The following ACOXL variants were observed in gnomAD, a reference collection of about 807,000 sequenced individuals.
ACOXL encodes acyl-CoA oxidase like.
Under a neutral mutation model 71.9 loss-of-function variants are expected in ACOXL, and 70 were observed. The ratio of observed to expected loss-of-function variants is 0.97; its 90% CI spans 0.80 to 1.19. The LOEUF (loss-of-function observed/expected upper bound fraction) is 1.19, where lower values mean the gene tolerates loss of function less well. Ranked by LOEUF, ACOXL falls within the 50% of genes most tolerant of loss-of-function variation. The pLI, the probability that ACOXL is intolerant of heterozygous loss-of-function variation, is 0.00. For synonymous variants in ACOXL, 253 were observed against 281.6 expected (o/e 0.90, Z 1.02); for missense variants, 703 against 736.3 (o/e 0.95, Z 0.52).
chr2:110,864,728 G>A (rs1006700908), intron 10 of ACOXL, among the ~76,000 whole-genome samples: 1 of 152,202 alleles, frequency 6.6e-6, no homozygotes, highest in Non-Finnish European at 1.5e-5. Context: ...GGGCTCTGTC[G>A]AATTAACCAG....
intron 10 of ACOXL, among the ~76,000 whole-genome samples, chr2:110,905,817 C>T (rs1293509751): frequency 3.3e-5 from 5 of 152,250 alleles, no homozygotes; most frequent in East Asian, 1.9e-4. Context: ...TTTAGATTCT[C>T]GTGAACACTC....
chr2:110,992,332 CTT>C (rs1157535747), intron 13 of ACOXL, among the ~76,000 whole-genome samples: 2 of 152,152 alleles, frequency 1.3e-5, no homozygotes, highest in African/African-American at 4.8e-5. Context: ...GAAGGAAAGC[CTT>C]TGTCATCAAA....
At chr2:110,786,305 A>G (rs1436973798) in intron 3 of ACOXL, among the ~76,000 whole-genome samples, 3 of 152,286 alleles carry the variant, frequency 2.0e-5, no homozygotes, top group Middle Eastern at 3.4e-3. Flanking sequence ...GACATTGTCT[A>G]TTGGTAGGTA....
chr2:110,915,418 A>G (rs1558721966), intron 11 of ACOXL, among the ~76,000 whole-genome samples: 1 of 130,030 alleles, frequency 7.7e-6, no homozygotes, highest in African/African-American at 3.1e-5. Flanking sequence ...ATATATATAT[A>G]TATATATATA....
chr2:111,116,455 T>C (rs1267391715), intron 17 of ACOXL, among the ~76,000 whole-genome samples: 1 of 152,150 alleles, frequency 6.6e-6, no homozygotes, highest in Non-Finnish European at 1.5e-5. Flanking sequence ...CCATCCCCTA[T>C]TTCCTCCACC....
intron 12 of ACOXL, among the ~76,000 whole-genome samples, chr2:110,972,113 G>A (rs903214363): frequency 7.9e-5 from 12 of 152,178 alleles, no homozygotes; most frequent in South Asian, 6.2e-4. Flanking sequence ...TATCACATAC[G>A]TGGGAGCATG....
At chr2:110,923,662 G>C (rs889602394) in intron 11 of ACOXL, among the ~76,000 whole-genome samples, 1 of 152,040 alleles carries the variant, frequency 6.6e-6, no homozygotes, top group Non-Finnish European at 1.5e-5. Context: ...GGCCTGGTGT[G>C]GTGGCTCATG....
At chr2:110,867,144 G>A (rs948728638) in intron 10 of ACOXL, among the ~76,000 whole-genome samples, 3 of 152,180 alleles carry the variant, frequency 2.0e-5, no homozygotes, top group East Asian at 1.9e-4. Flanking sequence ...AGTTAGGTGC[G>A]ACTGGAGAAT....
intron 1 of ACOXL, among the ~76,000 whole-genome samples, chr2:110,761,329 C>G (rs1680377175): frequency 6.6e-6 from 1 of 152,118 alleles, no homozygotes; most frequent in African/African-American, 2.4e-5. Context: ...GGCTTGCATA[C>G]CCATTGACTG....
intron 1 of ACOXL, among the ~76,000 whole-genome samples, chr2:110,747,977 C>A (rs1206062304): frequency 6.6e-6 from 1 of 152,166 alleles, no homozygotes. Flanking sequence ...TGTCTTCTTG[C>A]CACCCCTGCA....
chr2:110,904,939 T>A (rs1249609180), intron 10 of ACOXL, among the ~76,000 whole-genome samples: 1 of 152,090 alleles, frequency 6.6e-6, no homozygotes, highest in South Asian at 2.1e-4. Context: ...CCTGAACTGA[T>A]TCATTTGCAT....
intron 3 of ACOXL, among the ~76,000 whole-genome samples, chr2:110,791,515 G>T (rs756454991): frequency 6.6e-6 from 1 of 152,164 alleles, no homozygotes; most frequent in African/African-American, 2.4e-5. Context: ...GAAAAAACAC[G>T]TACCATTTGG....
rs1001974385 is a variant in ACOXL, at chr2:110,841,273, C to G, written c.754-98C>G. ...TTAGCTGTAGGGCATTTTAGAAAATCTTTAAAACGTAATTGGCCGTATCAA... is the reference window on the plus strand; with the variant it reads ...TTAGCTGTAGGGCATTTTAGAAAATGTTTAAAACGTAATTGGCCGTATCAA... On this transcript the variant is annotated intron_variant, in intron 9 of 17. Transcript: ENST00000439055. The G allele has an allele frequency of 7.0e-5, 60 of 860,962 alleles. No homozygotes were observed. The African/African-American group carries it at 9.5e-4, about 14-fold the overall frequency. 53.3% of individuals were successfully genotyped at this position (860,962 alleles called of 1,614,324 possible).
intron 9 of ACOXL, among the ~76,000 whole-genome samples, chr2:110,829,962 G>A (rs1197224380): frequency 6.6e-6 from 1 of 152,190 alleles, no homozygotes; most frequent in East Asian, 1.9e-4. Context: ...CATTCAGTGT[G>A]AATATGAGTG....
chr2:110,931,884 A>C (rs140186477), intron 11 of ACOXL, among the ~76,000 whole-genome samples: 2 of 152,342 alleles, frequency 1.3e-5, no homozygotes, highest in East Asian at 1.9e-4. Flanking sequence ...CAAAGCCTGA[A>C]ATGCATCTAC....
In ACOXL at chr2:110,828,163, G is replaced by C. The variant is rs532846657; in HGVS notation, c.754-13208G>C. On this transcript the variant is annotated intron_variant, in intron 9 of 17. Transcript: ENST00000439055. ...TTTTTGTGTTTTTTTGAAGAGACAG[G>C]GTCTTACTATGTTGCCCACGCTGGT... Among the ~76,000 whole-genome samples, 181 of 152,172 alleles carry C rather than the reference G, an allele frequency of 1.2e-3. 1 individual carries two copies. Among genetic ancestry groups the C allele is most frequent in the African/African-American group, 4.2e-3 (175 of 41,522 alleles).
intron 9 of ACOXL, among the ~76,000 whole-genome samples, chr2:110,808,000 C>T (rs1421811463): frequency 1.3e-5 from 2 of 152,100 alleles, no homozygotes; most frequent in African/African-American, 4.8e-5. Flanking sequence ...CATGGCATTC[C>T]TTGGAACTTT....
chr2:110,990,988 C>T lies in ACOXL; in HGVS notation c.1169+3771C>T, dbSNP rs533867734. Among the ~76,000 whole-genome samples the T allele has an allele frequency of 1.6e-3, 236 of 152,210 alleles. 1 individual carries two copies. The highest frequency in any genetic ancestry group is 5.5e-3 in the African/African-American group (227 of 41,542). On this transcript the variant is annotated intron_variant, in intron 13 of 17. Transcript: ENST00000439055. ...TTAGATTTATGTCAAAGTTTTACAT[C>T]TCTCATAGAGTTATTTTGGGGGGAG...
At chr2:110,876,128 C>T (rs1695865360) in intron 10 of ACOXL, among the ~76,000 whole-genome samples, 1 of 152,208 alleles carries the variant, frequency 6.6e-6, no homozygotes, top group East Asian at 1.9e-4. Flanking sequence ...GGCTTGGACG[C>T]ATCCTCTGTG....
Sources: gnomAD v4.1 joint callset for allele counts (sites outside exome capture counted in the v4.1 genomes callset) on GRCh38, gnomAD v4.1.1 for gene constraint, MANE v1.5 for transcripts, NCBI Gene and HGNC (gene_info 2026-07-23, HGNC 2026-07-21) for gene names.